EPHB2: variants seen among roughly 807,000 people sequenced by gnomAD.
EPHB2 encodes EPH receptor B2.
Under a neutral mutation model 96.4 loss-of-function variants are expected in EPHB2, and 18 were observed. The observed-to-expected ratio is 0.19, with a 90% CI of 0.13 to 0.28. The LOEUF is 0.28. Among genes scored for constraint, EPHB2 ranks in the 10% least tolerant of loss-of-function variants. The pLI is 1.00. For synonymous variants in EPHB2, 506 were observed against 534.1 expected, an observed-to-expected ratio of 0.95 and a Z score of 0.72; for missense variants, 989 against 1,355.4, an observed-to-expected ratio of 0.73 and a Z score of 4.25.
In EPHB2 at chr1:22,913,311, C is replaced by A; in HGVS notation, c.2853-151C>A. On this transcript the variant is annotated intron_variant, in intron 15 of 15. Coordinates refer to ENST00000374630, the MANE Select transcript of EPHB2 (RefSeq NM_017449.5). The surrounding 1 kb of genome is among the most constrained non-coding windows in gnomAD (Gnocchi z 4.1). ...CACCTCACACCATAGTCGCTCCCTCCAGCTGTGGCTGCCTGCCCACTCCCC... is the reference window on the plus strand; with the variant it reads ...CACCTCACACCATAGTCGCTCCCTCAAGCTGTGGCTGCCTGCCCACTCCCC... 1 of 976,564 alleles carries A rather than the reference C, an allele frequency of 1.0e-6. No individual in the cohort carries two copies. 60.5% of individuals were successfully genotyped at this position (976,564 alleles called of 1,614,324 possible).
At chr1:22,845,675 T>C (rs1287776206) in intron 3 of EPHB2, among the ~76,000 whole-genome samples, 1 of 152,142 alleles carries the variant, frequency 6.6e-6, no homozygotes, top group East Asian at 1.9e-4. Context: ...TAGAGGTTTG[T>C]CATTTTCCTC....
At chr1:22,731,849 A>C (rs1365504969) in intron 1 of EPHB2, among the ~76,000 whole-genome samples, 1 of 152,198 alleles carries the variant, frequency 6.6e-6, no homozygotes, top group Non-Finnish European at 1.5e-5. Context: ...CAAACAAAAC[A>C]AAACAACAAC....
chr1:22,739,873 C>A (rs958655974), intron 1 of EPHB2, among the ~76,000 whole-genome samples: 1 of 152,148 alleles, frequency 6.6e-6, no homozygotes, highest in African/African-American at 2.4e-5. Flanking sequence ...CCTGACGCTG[C>A]GGAAAGTTGT....
At position 22,855,560 on chromosome 1, in the gene EPHB2, C is replaced by T. The variant is rs185575273; in HGVS notation, c.812-7477C>T. 1.2e-3 allele frequency among the ~76,000 whole-genome samples: 181 copies of T among 152,334 alleles called. 2 individuals are homozygous for T. Among genetic ancestry groups the T allele is most frequent in the Non-Finnish European group, 4.3e-4 (29 of 68,024 alleles). On this transcript the variant is annotated intron_variant, in intron 3 of 15. Coordinates refer to ENST00000374630, the MANE Select transcript of EPHB2 (RefSeq NM_017449.5). ...AAATGCCTGTAGAATAAATTTACAACTCACTGTCTCCCTAACTAGACCTGA... is the reference window on the plus strand; with the variant it reads ...AAATGCCTGTAGAATAAATTTACAATTCACTGTCTCCCTAACTAGACCTGA...
chr1:22,758,440 G>A (rs1322941964), intron 1 of EPHB2, among the ~76,000 whole-genome samples: 1 of 152,054 alleles, frequency 6.6e-6, no homozygotes, highest in Non-Finnish European at 1.5e-5. Context: ...AGGGCACCAG[G>A]CAGTCCTTAG....
chr1:22,718,407 C>T (rs1378979497), intron 1 of EPHB2, among the ~76,000 whole-genome samples: 1 of 110,662 alleles, frequency 9.0e-6, no homozygotes, highest in Non-Finnish European at 1.7e-5. Context: ...TTTTTTGAGA[C>T]AGAGTATTGC....
chr1:22,783,739 G>T (rs1644568227), intron 2 of EPHB2, among the ~76,000 whole-genome samples: 1 of 152,160 alleles, frequency 6.6e-6, no homozygotes, highest in Non-Finnish European at 1.5e-5. Context: ...GGGTTTGTGA[G>T]AGCCCAGACT....
At chr1:22,808,774 G>A (rs761440929) in intron 3 of EPHB2, among the ~76,000 whole-genome samples, 10 of 152,184 alleles carry the variant, frequency 6.6e-5, no homozygotes, top group South Asian at 2.1e-4. Context: ...AAAAGCTGAG[G>A]CACAAAGCAG....
intron 1 of EPHB2, among the ~76,000 whole-genome samples, chr1:22,736,417 CAA>C (rs1371768778): frequency 2.6e-5 from 4 of 152,208 alleles, no homozygotes; most frequent in Non-Finnish European, 5.9e-5. Context: ...GGAGGCTGGA[CAA>C]AGAGTTCCAT....
rs1052272123 is a variant in EPHB2 at position 22,919,535 on chromosome 1, A to G, written c.*5965A>G. The G allele has an allele frequency of 3.3e-5, 5 of 152,438 alleles. No individual in the cohort carries two copies. The highest frequency in any genetic ancestry group is 1.2e-4 in the African/African-American group (5 of 41,452). The allele number at this position is 152,438 out of a possible 1,614,324, so 9.4% of individuals were successfully genotyped here. A position where few individuals can be genotyped will look rare whatever the true frequency, so the allele number is the denominator to read the frequency against. ...GCTATGGTCCAGACCTGTTCACTCA[A>G]CACCTGGCCAGGCGGGGCCTCCAGC... On this transcript the variant is annotated 3_prime_UTR_variant, in exon 16 of 16. Transcript: ENST00000374630.
rs116453034 is a variant in EPHB2, at chr1:22,778,297, G to A, written c.62-3124G>A. 8.6e-3 allele frequency among the ~76,000 whole-genome samples: 1,316 copies of A among 152,258 alleles called. 12 individuals carry two copies. Among genetic ancestry groups the A allele is most frequent in the Middle Eastern group, 0.02 (6 of 294 alleles). On this transcript the variant is annotated intron_variant, in intron 1 of 15. Coordinates refer to ENST00000374630, the MANE Select transcript of EPHB2 (RefSeq NM_017449.5). ...CCCCTCAAAAGGTCCATTTGTAATA[G>A]TCTGTGTTTATTTTCCTTCCTTTTA...
chr1:22,822,410 A>C (rs1025296845), intron 3 of EPHB2, among the ~76,000 whole-genome samples: 4 of 152,228 alleles, frequency 2.6e-5, no homozygotes, highest in African/African-American at 9.6e-5. Context: ...AAAAGAAAAC[A>C]AAAGTGGCAA....
At chr1:22,720,434 A>G (rs1454615679) in intron 1 of EPHB2, among the ~76,000 whole-genome samples, 1 of 152,104 alleles carries the variant, frequency 6.6e-6, no homozygotes, top group Non-Finnish European at 1.5e-5. Context: ...ATCAGGTGAC[A>G]CTCAGAGTTC....
intron 3 of EPHB2, among the ~76,000 whole-genome samples, chr1:22,815,560 C>T (rs35801029): frequency 0.56 from 85,025 of 152,150 alleles, 25,960 homozygotes; most frequent in Non-Finnish European, 0.69. Context: ...TGGAGGCTGG[C>T]CTGAGCCCTG....
At chr1:22,785,830 C>T (rs1644603314) in intron 3 of EPHB2, among the ~76,000 whole-genome samples, 1 of 152,200 alleles carries the variant, frequency 6.6e-6, no homozygotes, top group Non-Finnish European at 1.5e-5. Flanking sequence ...GTGCTGAGCA[C>T]TTCTATGACT....
At chr1:22,830,646 C>T (rs1306745647) in intron 3 of EPHB2, among the ~76,000 whole-genome samples, 1 of 152,160 alleles carries the variant, frequency 6.6e-6, no homozygotes, top group Non-Finnish European at 1.5e-5. Flanking sequence ...CAACCTCCAC[C>T]TCCCGGGTGC....
At chr1:22,711,437 C>G (rs983237067) in intron 1 of EPHB2, among the ~76,000 whole-genome samples, 3 of 147,246 alleles carry the variant, frequency 2.0e-5, no homozygotes, top group Admixed American at 2.0e-4. Context: ...GCGGGGGGGG[C>G]GCCGGCGCTC....
chr1:22,803,060 G>T (rs977366296), intron 3 of EPHB2, among the ~76,000 whole-genome samples: 127 of 152,146 alleles, frequency 8.3e-4, no homozygotes, highest in African/African-American at 3.0e-3. Flanking sequence ...TAGAGGAAGG[G>T]CCACCAGCAC....
intron 3 of EPHB2, among the ~76,000 whole-genome samples, chr1:22,808,647 C>T (rs1352385064): frequency 6.6e-6 from 1 of 152,208 alleles, no homozygotes; most frequent in African/African-American, 2.4e-5. Context: ...AATAGCTTAA[C>T]ATTTACTGAG....
Sources: gnomAD v4.1 joint callset for allele counts (sites outside exome capture counted in the v4.1 genomes callset) on GRCh38, gnomAD v4.1.1 for gene constraint, Gnocchi (gnomAD v3.1) non-coding constraint, MANE v1.5 for transcripts, NCBI Gene and HGNC (gene_info 2026-07-23, HGNC 2026-07-21) for gene names.